Variants in CASZ1 observed in about 807,000 individuals in gnomAD.
The protein encoded by CASZ1 is zinc finger protein castor homolog 1.
A neutral mutation model predicts 135.2 loss-of-function variants in CASZ1; 28 were observed. The ratio of observed to expected loss-of-function variants is 0.21; its 90% CI spans 0.15 to 0.28. The LOEUF is 0.28. Ranked by LOEUF, CASZ1 falls within the 10% of genes least tolerant of loss-of-function variation. CASZ1 has a pLI of 1.00. For synonymous variants in CASZ1, 1,068 were observed against 1,073.4 expected, an observed-to-expected ratio of 0.99 and a Z score of 0.10; for missense variants, 2,161 against 2,453.3, an observed-to-expected ratio of 0.88 and a Z score of 2.52.
chr1:10,740,825 G>A (rs1252203017), intron 2 of CASZ1, among the ~76,000 whole-genome samples: 1 of 151,680 alleles, frequency 6.6e-6, no homozygotes. Context: ...GGTTGCGGTG[G>A]CGCACACCTG....
In CASZ1 at chr1:10,776,544, A is replaced by G. The variant is rs1264835405; in HGVS notation, c.-233-15687T>C. On this transcript the variant is annotated intron_variant, in intron 1 of 20. Coordinates refer to ENST00000377022, the MANE Select transcript of CASZ1 (RefSeq NM_001079843.3). This position sits in a 1 kb window ranked among gnomAD's most constrained non-coding sequence, Gnocchi z 4.1. ...GCTCTGACACGAGACACATCCAGACAGGCAGTGATCGATAAGCAGGTGCAT... is the reference window on the plus strand; with the variant it reads ...GCTCTGACACGAGACACATCCAGACGGGCAGTGATCGATAAGCAGGTGCAT... Among the ~76,000 whole-genome samples, 1 of 152,210 alleles carries G rather than the reference A, an allele frequency of 6.6e-6. No individual in the cohort carries two copies. Among genetic ancestry groups the G allele is most frequent in the African/African-American group, 2.4e-5 (1 of 41,452 alleles).
chr1:10,714,208 T>C (rs1639336364), intron 2 of CASZ1, among the ~76,000 whole-genome samples: 1 of 152,070 alleles, frequency 6.6e-6, no homozygotes, highest in Non-Finnish European at 1.5e-5. Flanking sequence ...CTGAGGAGGC[T>C]GAGGCAGGAG....
At chr1:10,787,966 T>G (rs1297882843) in intron 1 of CASZ1, among the ~76,000 whole-genome samples, 2 of 152,258 alleles carry the variant, frequency 1.3e-5, no homozygotes, top group South Asian at 4.2e-4. Flanking sequence ...AAAACTATGA[T>G]AAGTCCAACC....
At chr1:10,743,432 G>C (rs1321366556) in intron 2 of CASZ1, among the ~76,000 whole-genome samples, 3 of 151,004 alleles carry the variant, frequency 2.0e-5, no homozygotes, top group African/African-American at 7.3e-5. Flanking sequence ...AGCCCTGGGA[G>C]AGCCCTGGGC....
At position 10,724,979 on chromosome 1, in the gene CASZ1, T is replaced by C. The variant is rs1362579480; in HGVS notation, c.-76-19435A>G. 6.6e-6 allele frequency among the ~76,000 whole-genome samples: 1 copy of C among 152,230 alleles called. No individual in the cohort carries two copies. Among genetic ancestry groups the C allele is most frequent in the East Asian group, 1.9e-4 (1 of 5,192 alleles). On this transcript the variant is annotated intron_variant, in intron 2 of 20. Transcript: ENST00000377022. The surrounding 1 kb of genome is among the most constrained non-coding windows in gnomAD (Gnocchi z 4.1). ...AATAACCTACAAATTACTTAATGTG[T>C]TGTAAATCTGGGGGAATTCAGGAGT...
At chr1:10,674,208 C>G (rs74797843) in intron 4 of CASZ1, among the ~76,000 whole-genome samples, 3 of 152,264 alleles carry the variant, frequency 2.0e-5, no homozygotes, top group African/African-American at 7.2e-5. Flanking sequence ...ACCATCACCC[C>G]TACCTGGGCA....
chr1:10,758,042 T>C (rs1640291791), intron 2 of CASZ1, among the ~76,000 whole-genome samples: 1 of 152,166 alleles, frequency 6.6e-6, no homozygotes, highest in Non-Finnish European at 1.5e-5. Flanking sequence ...TCTAGAATAT[T>C]CTCCAGCCTG....
chr1:10,680,002 G>T (rs757489724), intron 4 of CASZ1, among the ~76,000 whole-genome samples: 11 of 152,126 alleles, frequency 7.2e-5, no homozygotes, highest in Non-Finnish European at 1.3e-4. Flanking sequence ...GACTCTAGGG[G>T]GTCTGGACTG....
At chr1:10,772,825 G>T (rs993574594) in intron 1 of CASZ1, among the ~76,000 whole-genome samples, 4 of 152,146 alleles carry the variant, frequency 2.6e-5, no homozygotes, top group Non-Finnish European at 4.4e-5. Context: ...GAGCTGTATG[G>T]GTGGGCTCAG....
chr1:10,793,756 C>G (rs1172533867), intron 1 of CASZ1, among the ~76,000 whole-genome samples: 1 of 151,916 alleles, frequency 6.6e-6, no homozygotes, highest in East Asian at 1.9e-4. Flanking sequence ...TCCAATTCGC[C>G]GGACTCTGGG....
At chr1:10,648,409 GT>G (rs1371034129) in intron 15 of CASZ1, 1 of 397,314 alleles carries the variant, frequency 2.5e-6, no homozygotes, top group East Asian at 4.0e-5. Context: ...CTCCATATGT[GT>G]GACAGCAGGC....
rs1438096924 is a variant in CASZ1, at chr1:10,660,299, G to A, written c.743C>T (p.Ala248Val). 6.2e-7 allele frequency: 1 copy of A among 1,614,116 alleles called. No homozygotes were observed. The highest frequency in any genetic ancestry group is 2.2e-5 in the East Asian group (1 of 44,878). The stretch of plus-strand genomic sequence containing the variant: ...GGCCGGCCAGGAGAGCTGCTCGCCA[G>A]CCTTGAGCTTGCGGATGTACTCCTC... ...KYEEYIRKLKAGEQLSWPAPS... is the reference protein window; with the variant it reads ...KYEEYIRKLKVGEQLSWPAPS... Residue 248 changes from alanine to valine, a missense_variant, in exon 6 of 21, where the codon GCT becomes GTT. Around this residue, in one of 7 missense-constraint regions of CASZ1, gnomAD observed 590 missense variants for 609.8 expected, o/e 0.97. Coordinates refer to ENST00000377022, the MANE Select transcript of CASZ1 (RefSeq NM_001079843.3).
At position 10,651,150 on chromosome 1, in the gene CASZ1, C is replaced by T. The variant is rs923336015; in HGVS notation, c.2681-74G>A. On this transcript the variant is annotated intron_variant, in intron 11 of 20. Transcript: ENST00000377022. ...CCGGGCACAGACAGCCGCCGTGCCCCCTGGAGGGAGGGCAGTGGGCTGGGT... is the reference window on the plus strand; with the variant it reads ...CCGGGCACAGACAGCCGCCGTGCCCTCTGGAGGGAGGGCAGTGGGCTGGGT... The T allele has an allele frequency of 3.9e-6, 5 of 1,284,592 alleles. No individual in the cohort carries two copies. In the African/African-American group the frequency reaches 6.2e-5, roughly 16 times the overall value. 79.6% of individuals were successfully genotyped at this position (1,284,592 alleles called of 1,614,324 possible).
intron 5 of CASZ1, among the ~76,000 whole-genome samples, chr1:10,661,689 G>A (rs141412778): frequency 1.3e-5 from 2 of 149,478 alleles, no homozygotes; most frequent in South Asian, 4.2e-4. Flanking sequence ...ACACACACAT[G>A]CATTCTCAAA....
chr1:10,684,258 G>C (rs899722470), intron 4 of CASZ1, among the ~76,000 whole-genome samples: 6 of 152,158 alleles, frequency 3.9e-5, no homozygotes, highest in Admixed American at 2.0e-4. Context: ...TGATATGTTT[G>C]GGGGGAGAAG....
intron 2 of CASZ1, among the ~76,000 whole-genome samples, chr1:10,745,776 T>TGAGTTCTGTTTCAG (rs1640028355): frequency 6.6e-6 from 1 of 152,206 alleles, no homozygotes; most frequent in African/African-American, 2.4e-5. Flanking sequence ...AGGGCACCTA[T>TGAGTTCTGTTTCAG]GGCCCTACGG....
chr1:10,756,013 C>T lies in CASZ1; in HGVS notation c.-77+4688G>A, dbSNP rs1429702844. On this transcript the variant is annotated intron_variant, in intron 2 of 20. Transcript: ENST00000377022. This position sits in a 1 kb window ranked among gnomAD's most constrained non-coding sequence, Gnocchi z 5.9. Reference sequence around the variant, plus strand: ...GCGGAAAGCAGAAAAACCTCCCACGCGTGCACAGATGCACACGCCTCCCAC... The same window carrying T: ...GCGGAAAGCAGAAAAACCTCCCACGTGTGCACAGATGCACACGCCTCCCAC... Among the ~76,000 whole-genome samples the T allele has an allele frequency of 1.3e-5, 2 of 152,138 alleles. No individual in the cohort carries two copies. Among genetic ancestry groups the T allele is most frequent in the African/African-American group, 2.4e-5 (1 of 41,430 alleles).
Position 10,762,416 on chromosome 1 carries a change from T to C in CASZ1, c.-233-1559A>G, listed in dbSNP as rs2100577854. On this transcript the variant is annotated intron_variant, in intron 1 of 20. Coordinates refer to ENST00000377022, the MANE Select transcript of CASZ1 (RefSeq NM_001079843.3). This position sits in a 1 kb window ranked among gnomAD's most constrained non-coding sequence, Gnocchi z 4.1. ...TCCTTTGTTTTCCAGTTTGGGAATA[T>C]TTTTTTCTTTAAAAAAGAGGAAAAA... Among the ~76,000 whole-genome samples the C allele has an allele frequency of 6.6e-6, 1 of 152,314 alleles. No individual in the cohort carries two copies. Among genetic ancestry groups the C allele is most frequent in the South Asian group, 2.1e-4 (1 of 4,818 alleles).
rs1443024550 is a variant in CASZ1 at position 10,700,078 on chromosome 1, G to GACACACACACACACACACACAC, written c.-24+5413_-24+5414insGTGTGTGTGTGTGTGTGTGTGT. Among the ~76,000 whole-genome samples the GACACACACACACACACACACAC allele has an allele frequency of 3.4e-3, 249 of 74,114 alleles. 3 individuals are homozygous for GACACACACACACACACACACAC. The highest frequency in any genetic ancestry group is 0.013 in the African/African-American group (231 of 17,140). 48.6% of individuals were successfully genotyped at this position (74,114 alleles called of 152,430 possible). ...AGAGACAGAGAGAGAAAGAGAGATA[G>GACACACACACACACACACACAC]AGACACACACACACACACACACACA... On this transcript the variant is annotated intron_variant, in intron 3 of 20. Coordinates refer to ENST00000377022, the MANE Select transcript of CASZ1 (RefSeq NM_001079843.3). The surrounding 1 kb of genome is among the most constrained non-coding windows in gnomAD (Gnocchi z 4.2).
Sources: gnomAD v4.1 joint callset for allele counts (sites outside exome capture counted in the v4.1 genomes callset) on GRCh38, gnomAD v4.1.1 for gene constraint, gnomAD v4.1.1 regional missense constraint, Gnocchi (gnomAD v3.1) non-coding constraint, MANE v1.5 for transcripts, NCBI Gene and HGNC (gene_info 2026-07-23, HGNC 2026-07-21) for gene names.